HDDC2: variants seen among roughly 807,000 people sequenced by gnomAD.
The protein encoded by HDDC2 is 5'-deoxynucleotidase HDDC2.
Under a neutral mutation model 25.5 loss-of-function variants are expected in HDDC2, and 25 were observed. That is an observed-to-expected ratio of 0.98 (90% CI 0.72 to 1.37). The LOEUF is 1.37. HDDC2 is among the 40% of genes most tolerant of loss of function. The pLI, the probability that HDDC2 is intolerant of heterozygous loss-of-function variation, is 0.00. For synonymous variants in HDDC2, 106 were observed against 89.7 expected, an observed-to-expected ratio of 1.18 and a Z score of -1.03; for missense variants, 264 against 253.1, an observed-to-expected ratio of 1.04 and a Z score of -0.29.
intron 3 of HDDC2, among the ~76,000 whole-genome samples, chr6:125,293,971 C>T (rs1316227983): frequency 6.6e-6 from 1 of 152,206 alleles, no homozygotes; most frequent in African/African-American, 2.4e-5. Flanking sequence ...GCTTTCTGTA[C>T]TTTCTGGTCT....
At chr6:125,300,261 G>A (rs1798774398) in intron 2 of HDDC2, 1 of 378,782 alleles carries the variant, frequency 2.6e-6, no homozygotes, top group Non-Finnish European at 4.8e-6. Flanking sequence ...TAGAATTTTA[G>A]ACATAACACA....
At position 125,276,168 on chromosome 6, in the gene HDDC2, G is replaced by C; in HGVS notation, c.593C>G (p.Ala198Gly). The C allele has an allele frequency of 6.2e-7, 1 of 1,613,472 alleles. No homozygotes were observed. Among genetic ancestry groups the C allele is most frequent in the Non-Finnish European group, 8.5e-7 (1 of 1,179,388 alleles). ...EAERSTNIAA[A>G]ASEPHS ...GTCTCAGGAGTGTGGCTCACTGGCA[G>C]CTGCAGCTATGTTAGTGCTTCTTTC... Residue 198 changes from alanine (A) to glycine (G), a missense_variant, in exon 6 of 6, where the codon GCT becomes GGT. Ala to Gly is a moderately conservative substitution (Grantham distance 60). Coordinates refer to ENST00000398153, the MANE Select transcript of HDDC2 (RefSeq NM_016063.3).
chr6:125,286,866 A>T (rs1230832475), intron 4 of HDDC2, among the ~76,000 whole-genome samples: 1 of 152,246 alleles, frequency 6.6e-6, no homozygotes, highest in East Asian at 1.9e-4. Flanking sequence ...ATAAATAAAA[A>T]CAAAAATAAA....
chr6:125,290,181 A>G (rs920112229), intron 4 of HDDC2, among the ~76,000 whole-genome samples: 2 of 152,242 alleles, frequency 1.3e-5, no homozygotes, highest in Non-Finnish European at 2.9e-5. Context: ...TCTTAAACCA[A>G]AAACCACGAT....
chr6:125,296,866 G>GT (rs1372314924), intron 3 of HDDC2, among the ~76,000 whole-genome samples: 1 of 152,178 alleles, frequency 6.6e-6, no homozygotes, highest in Non-Finnish European at 1.5e-5. Context: ...AGGGACAGTC[G>GT]TAGGTCCTCC....
At chr6:125,292,986 G>A in intron 3 of HDDC2, 77 bp from the exon 4 acceptor site, 1 of 1,145,270 alleles carries the variant, frequency 8.7e-7, no homozygotes, top group Non-Finnish European at 1.3e-6. Flanking sequence ...AGACAAATAG[G>A]TTCGGATTCT....
intron 3 of HDDC2, among the ~76,000 whole-genome samples, chr6:125,295,343 T>C (rs1798693202): frequency 6.6e-6 from 1 of 152,210 alleles, no homozygotes; most frequent in Non-Finnish European, 1.5e-5. Flanking sequence ...AACTGGAAGG[T>C]ATTATTCATC....
intron 4 of HDDC2, 106 bp downstream of exon 4, chr6:125,292,735 A>G (rs896972726): frequency 8.2e-6 from 7 of 854,872 alleles, no homozygotes; most frequent in African/African-American, 5.0e-5. Flanking sequence ...CCAGACAGTA[A>G]TAAGTTAGGG....
At chr6:125,284,793 A>C (rs149434793) in intron 4 of HDDC2, among the ~76,000 whole-genome samples, 2,924 of 152,308 alleles carry the variant, frequency 0.019, 89 homozygotes, top group African/African-American at 0.067. Flanking sequence ...ATACCATTTG[A>C]CCCAGCAATC....
At chr6:125,278,250 C>T (rs1798402703) in intron 4 of HDDC2, 1 of 152,212 alleles carries the variant, frequency 6.6e-6, no homozygotes, top group Non-Finnish European at 1.5e-5. Flanking sequence ...GAACCAAATA[C>T]ACTTTGCTTT....
chr6:125,284,729 G>A, intron 4 of HDDC2, among the ~76,000 whole-genome samples: 1 of 152,206 alleles, frequency 6.6e-6, no homozygotes, highest in Non-Finnish European at 1.5e-5. Context: ...GTGCAAATTA[G>A]TTCAACCACT....
intron 4 of HDDC2, chr6:125,278,236 T>C (rs896639318): frequency 2.6e-5 from 4 of 152,234 alleles, no homozygotes; most frequent in African/African-American, 7.2e-5. Flanking sequence ...ATCATTTAAA[T>C]ATGGAACCAA....
chr6:125,277,054 G>A (rs2243391), intron 5 of HDDC2, 48 bp downstream of exon 5: 263,630 of 1,603,116 alleles, frequency 0.16, 23,268 homozygotes, highest in African/African-American at 0.31. Context: ...TCACTACACT[G>A]AGTAAGCCAA....
intron 4 of HDDC2, among the ~76,000 whole-genome samples, chr6:125,290,809 A>T (rs1326675744): frequency 1.3e-5 from 2 of 152,180 alleles, no homozygotes; most frequent in African/African-American, 4.8e-5. Context: ...AAGATAGTAA[A>T]CTTATTACCT....
intron 3 of HDDC2, among the ~76,000 whole-genome samples, chr6:125,297,126 A>T (rs1464928002): frequency 1.3e-5 from 2 of 152,100 alleles, no homozygotes; most frequent in Non-Finnish European, 2.9e-5. Flanking sequence ...TCCTACAATG[A>T]GCTGTGTAAT....
At chr6:125,301,794 C>A in intron 1 of HDDC2, 55 bp downstream of exon 1, 1 of 1,347,058 alleles carries the variant, frequency 7.4e-7, no homozygotes, top group Non-Finnish European at 1.0e-6. Context: ...GGAAGCTCCG[C>A]CGCCCCACAG....
chr6:125,297,418 G>C (rs1270505192), intron 3 of HDDC2: 4 of 394,458 alleles, frequency 1.0e-5, no homozygotes, highest in African/African-American at 8.3e-5. Flanking sequence ...TTCCCCTTGT[G>C]CCTACACTTT....
intron 4 of HDDC2, among the ~76,000 whole-genome samples, chr6:125,285,542 G>C (rs2115106081): frequency 6.6e-6 from 1 of 152,048 alleles, no homozygotes; most frequent in South Asian, 2.1e-4. Flanking sequence ...GTGACAAATA[G>C]TGAAGACAGG....
intron 4 of HDDC2, 54 bp downstream of exon 4, chr6:125,292,787 A>G: frequency 7.8e-7 from 1 of 1,279,696 alleles, no homozygotes; most frequent in Middle Eastern, 2.6e-4. Flanking sequence ...AACATCAGGG[A>G]GCCATATAAA....
Sources: gnomAD v4.1 joint callset for allele counts (sites outside exome capture counted in the v4.1 genomes callset) on GRCh38, gnomAD v4.1.1 for gene constraint, MANE v1.5 for transcripts, NCBI Gene and HGNC (gene_info 2026-07-23, HGNC 2026-07-21) for gene names.